EPS15: variants seen among roughly 807,000 people sequenced by gnomAD.
The protein encoded by EPS15 is epidermal growth factor receptor substrate 15.
In EPS15, 72 loss-of-function variants were observed where a neutral mutation model predicts 113.8. That is an observed-to-expected ratio of 0.63 (90% CI 0.52 to 0.77). The LOEUF (loss-of-function observed/expected upper bound fraction) is 0.77. Among genes scored for constraint, EPS15 ranks in the 30% least tolerant of loss-of-function variants. EPS15 has a pLI of 0.00. For synonymous variants in EPS15, 344 were observed against 363.4 expected, an observed-to-expected ratio of 0.95 and a Z score of 0.61; for missense variants, 1,048 against 1,045.8, an observed-to-expected ratio of 1.00 and a Z score of -0.03.
chr1:51,462,662 G>A (rs1353599564), intron 7 of EPS15, among the ~76,000 whole-genome samples: 2 of 152,088 alleles, frequency 1.3e-5, no homozygotes, highest in Non-Finnish European at 2.9e-5. Flanking sequence ...ATATGAAGCT[G>A]TAGACCAAAA....
At chr1:51,415,614 T>C (rs1650133602) in intron 13 of EPS15, among the ~76,000 whole-genome samples, 1 of 151,192 alleles carries the variant, frequency 6.6e-6, no homozygotes. Flanking sequence ...CTGGCCAACA[T>C]GGAAAAACCC....
At chr1:51,371,878 T>C (rs1472172988) in intron 21 of EPS15, among the ~76,000 whole-genome samples, 1 of 152,200 alleles carries the variant, frequency 6.6e-6, no homozygotes, top group Non-Finnish European at 1.5e-5. Flanking sequence ...AGATGTACCA[T>C]TTCTATTTTC....
At chr1:51,470,548 G>C (rs928604877) in intron 4 of EPS15, among the ~76,000 whole-genome samples, 1 of 150,544 alleles carries the variant, frequency 6.6e-6, no homozygotes, top group Non-Finnish European at 1.5e-5. Flanking sequence ...TCCAGAGGCT[G>C]AGATGGGAGA....
At chr1:51,412,744 T>G (rs536274088) in intron 13 of EPS15, among the ~76,000 whole-genome samples, 2 of 152,334 alleles carry the variant, frequency 1.3e-5, no homozygotes, top group South Asian at 4.1e-4. Context: ...TATCACCCAG[T>G]CTAGTAACTT....
chr1:51,369,377 G>C (rs1379191499), intron 21 of EPS15, among the ~76,000 whole-genome samples: 1 of 152,144 alleles, frequency 6.6e-6, no homozygotes, highest in African/African-American at 2.4e-5. Context: ...CCTGCTGGGG[G>C]GAGTTCCAGA....
Position 51,408,193 on chromosome 1 carries a change from T to G in EPS15, c.1415A>C (p.Lys472Thr), listed in dbSNP as rs749977415. ...CTGCTGAAGAGGTTCCAACTGAGCCTTCCCTGACTCTACACTCTCCTCCAA... is the reference window on the plus strand; with the variant it reads ...CTGCTGAAGAGGTTCCAACTGAGCCGTCCCTGACTCTACACTCTCCTCCAA... Reference protein sequence around the residue: ...AELEESVESGKAQLEPLQQHL... With the variant: ...AELEESVESGTAQLEPLQQHL... Residue 472 changes from lysine to threonine, a missense_variant, in exon 15 of 25, where the codon AAG becomes ACG. Lys to Thr is a moderately conservative substitution (Grantham distance 78). Coordinates refer to ENST00000371733, the MANE Select transcript of EPS15 (RefSeq NM_001981.3). The G allele has an allele frequency of 1.2e-6, 2 of 1,614,136 alleles. No homozygotes were observed.
chr1:51,515,366 A>G (rs980194410), intron 1 of EPS15, among the ~76,000 whole-genome samples: 1 of 152,032 alleles, frequency 6.6e-6, no homozygotes, highest in Non-Finnish European at 1.5e-5. Flanking sequence ...CCAGCTACTC[A>G]GGAGGCTGAA....
chr1:51,390,014 C>A lies in EPS15; in HGVS notation c.2119+4367G>T, dbSNP rs1017797336. Among the ~76,000 whole-genome samples the A allele has an allele frequency of 3.9e-5, 6 of 152,288 alleles. No individual in the cohort carries two copies. In the East Asian group the frequency reaches 1.2e-3, roughly 29 times the overall value. On this transcript the variant is annotated intron_variant, in intron 21 of 24. Coordinates refer to ENST00000371733, the MANE Select transcript of EPS15 (RefSeq NM_001981.3). ...AAAGAGCCTGCATCGCCAAGTCAAT[C>A]CTAAGCCAAAAGAACAAAGCTGGCA...
In EPS15 at chr1:51,382,141, AAC is replaced by A. The variant is rs1252036164; in HGVS notation, c.2119+12238_2119+12239del. On this transcript the variant is annotated intron_variant, in intron 21 of 24. Coordinates refer to ENST00000371733, the MANE Select transcript of EPS15 (RefSeq NM_001981.3). ...TTTCACAGAAATAAAAAGGATTGTT[AAC>A]ACAGTGCTATGAACAATTATACATC... Among the ~76,000 whole-genome samples the A allele has an allele frequency of 2.0e-5, 3 of 152,360 alleles. No homozygotes were observed. In the East Asian group the frequency reaches 5.8e-4, roughly 29 times the overall value.
chr1:51,484,428 ATTAAATT>A lies in EPS15; in HGVS notation c.34-3121_34-3115del, dbSNP rs779698471. On this transcript the variant is annotated intron_variant, in intron 1 of 24. Transcript: ENST00000371733. ...AAAAATTTTTTAAATAAAAAATTAA[ATTAAATT>A]TTAAATTTTAAAAAAACTATTATCA... Among the ~76,000 whole-genome samples, 345 of 152,206 alleles carry A rather than the reference ATTAAATT, an allele frequency of 2.3e-3. 1 individual carries two copies. Among genetic ancestry groups the A allele is most frequent in the Non-Finnish European group, 3.9e-3 (267 of 68,004 alleles).
At chr1:51,426,091 T>C (rs1236777644) in intron 12 of EPS15, among the ~76,000 whole-genome samples, 1 of 151,998 alleles carries the variant, frequency 6.6e-6, no homozygotes, top group Non-Finnish European at 1.5e-5. Context: ...GGTTACTAAA[T>C]ACTAAATACA....
At chr1:51,493,743 C>T (rs146828918) in intron 1 of EPS15, among the ~76,000 whole-genome samples, 8,692 of 150,846 alleles carry the variant, frequency 0.058, 338 homozygotes, top group Non-Finnish European at 0.086. Flanking sequence ...CTCAGCCTCC[C>T]GAGTAGCTGG....
chr1:51,374,496 C>T (rs761927632), intron 21 of EPS15, among the ~76,000 whole-genome samples: 1 of 151,736 alleles, frequency 6.6e-6, no homozygotes, highest in African/African-American at 2.4e-5. Context: ...CTCAGCTACT[C>T]GGGAGGGTGA....
In EPS15 at chr1:51,355,287, GA is replaced by G. The variant is rs1458900421; in HGVS notation, c.*1412del. 4.6e-6 allele frequency: 1 copy of G among 217,870 alleles called. No individual in the cohort carries two copies. The highest frequency in any genetic ancestry group is 2.3e-5 in the African/African-American group (1 of 44,438). 13.5% of individuals were successfully genotyped at this position (217,870 alleles called of 1,614,324 possible). On this transcript the variant is annotated 3_prime_UTR_variant, in exon 25 of 25. Coordinates refer to ENST00000371733, the MANE Select transcript of EPS15 (RefSeq NM_001981.3). ...TATAGGCTAGGCAATAAGTTACTCA[GA>G]TTAACACAGATCAATACCACCTTGA...
chr1:51,452,316 T>A (rs551878347), intron 8 of EPS15, among the ~76,000 whole-genome samples: 105 of 152,112 alleles, frequency 6.9e-4, no homozygotes, highest in Non-Finnish European at 1.1e-3. Flanking sequence ...AAAGGCTCAC[T>A]CTGTTGCCCA....
chr1:51,491,597 C>T (rs911635467), intron 1 of EPS15, among the ~76,000 whole-genome samples: 3 of 151,962 alleles, frequency 2.0e-5, no homozygotes, highest in Non-Finnish European at 4.4e-5. Context: ...AACAGCAATC[C>T]AAAGTGACAA....
intron 12 of EPS15, among the ~76,000 whole-genome samples, chr1:51,430,790 T>C (rs1651643209): frequency 6.6e-6 from 1 of 151,848 alleles, no homozygotes; most frequent in Admixed American, 6.6e-5. Flanking sequence ...CCCACATCTC[T>C]ATAAAATTTT....
At chr1:51,454,198 A>G (rs1195045249) in intron 8 of EPS15, among the ~76,000 whole-genome samples, 1 of 152,224 alleles carries the variant, frequency 6.6e-6, no homozygotes, top group Non-Finnish European at 1.5e-5. Context: ...TCTAAGTGCC[A>G]AAAACTCTTC....
intron 2 of EPS15, among the ~76,000 whole-genome samples, chr1:51,473,564 G>A (rs1655393137): frequency 6.6e-6 from 1 of 152,000 alleles, no homozygotes; most frequent in African/African-American, 2.4e-5. Context: ...AAGACAGAAT[G>A]AGGTCACAAG....
Sources: gnomAD v4.1 joint callset for allele counts (sites outside exome capture counted in the v4.1 genomes callset) on GRCh38, gnomAD v4.1.1 for gene constraint, MANE v1.5 for transcripts, NCBI Gene and HGNC (gene_info 2026-07-23, HGNC 2026-07-21) for gene names.